ERC1: variants seen among roughly 807,000 people sequenced by gnomAD.
ERC1 encodes the protein ELKS/RAB6-interacting/CAST family member 1.
Under a neutral mutation model 132.0 loss-of-function variants are expected in ERC1, and 56 were observed. The ratio of observed to expected loss-of-function variants is 0.42; its 90% CI spans 0.34 to 0.53. The LOEUF is 0.53. Among genes scored for constraint, ERC1 ranks in the 20% least tolerant of loss-of-function variants. The pLI is 0.03. For missense variants in ERC1, 1,202 were observed against 1,349.9 expected, an observed-to-expected ratio of 0.89 and a Z score of 1.72; for synonymous variants, 478 against 476.1, an observed-to-expected ratio of 1.00 and a Z score of -0.05.
At chr12:1,238,083 AAGC>A (rs1230666338) in intron 13 of ERC1, among the ~76,000 whole-genome samples, 2 of 152,196 alleles carry the variant, frequency 1.3e-5, no homozygotes, top group East Asian at 3.9e-4. Context: ...ATTTTGCAAA[AAGC>A]AGCATGCCCG....
intron 18 of ERC1, among the ~76,000 whole-genome samples, chr12:1,479,218 G>A (rs1234227650): frequency 6.6e-6 from 1 of 152,124 alleles, no homozygotes; most frequent in African/African-American, 2.4e-5. Flanking sequence ...CCAGAGAGGA[G>A]CATTTGTATA....
intron 8 of ERC1, among the ~76,000 whole-genome samples, chr12:1,168,684 G>A (rs555193200): frequency 6.6e-6 from 1 of 151,630 alleles, no homozygotes; most frequent in Admixed American, 6.6e-5. Context: ...ATGGGGTTTT[G>A]CCATGTTGGT....
At chr12:1,001,510 C>G (rs1428324908) in intron 1 of ERC1, among the ~76,000 whole-genome samples, 1 of 152,198 alleles carries the variant, frequency 6.6e-6, no homozygotes, top group African/African-American at 2.4e-5. Context: ...TGAAGCTTCC[C>G]AATCACAACC....
chr12:1,290,517 C>T (rs944447406), intron 15 of ERC1, among the ~76,000 whole-genome samples: 1 of 152,196 alleles, frequency 6.6e-6, no homozygotes, highest in Non-Finnish European at 1.5e-5. Context: ...CTTTGCTATA[C>T]ACATTTTCCT....
chr12:1,460,091 A>G (rs970189968), intron 18 of ERC1, among the ~76,000 whole-genome samples: 1 of 152,254 alleles, frequency 6.6e-6, no homozygotes, highest in Admixed American at 6.5e-5. Context: ...TGTTTTATTC[A>G]GTGAGTTATA....
intron 11 of ERC1, among the ~76,000 whole-genome samples, chr12:1,188,034 GTTATAT>G (rs1019356741): frequency 1.6e-4 from 25 of 152,212 alleles, no homozygotes; most frequent in African/African-American, 3.6e-4. Context: ...ATATGCAGTA[GTTATAT>G]TTATATTTGT....
chr12:1,146,837 T>C (rs989405926), intron 8 of ERC1, among the ~76,000 whole-genome samples: 2 of 145,332 alleles, frequency 1.4e-5, no homozygotes, highest in Non-Finnish European at 1.5e-5. Flanking sequence ...TATGTTCTCA[T>C]TGTTGAATTC....
intron 17 of ERC1, among the ~76,000 whole-genome samples, chr12:1,419,486 A>G (rs2092336000): frequency 6.8e-6 from 1 of 147,314 alleles, no homozygotes; most frequent in Admixed American, 6.9e-5. Context: ...CCTTTATTCT[A>G]TCTAGTAAGC....
chr12:1,276,345 TC>T (rs1409971634), intron 14 of ERC1, among the ~76,000 whole-genome samples: 2 of 151,828 alleles, frequency 1.3e-5, no homozygotes, highest in Non-Finnish European at 2.9e-5. Flanking sequence ...CAAGCAATTA[TC>T]CCTGCCTCAG....
intron 16 of ERC1, among the ~76,000 whole-genome samples, chr12:1,407,871 G>T (rs1235984251): frequency 6.6e-6 from 1 of 151,932 alleles, no homozygotes; most frequent in African/African-American, 2.4e-5. Context: ...CCACCCTTAT[G>T]ACTTCATTTA....
chr12:1,377,163 T>TG (rs1338549038), intron 16 of ERC1, among the ~76,000 whole-genome samples: 1 of 152,194 alleles, frequency 6.6e-6, no homozygotes, highest in Non-Finnish European at 1.5e-5. Flanking sequence ...AGGTGTGGTA[T>TG]GAAAAAATAC....
intron 11 of ERC1, among the ~76,000 whole-genome samples, chr12:1,186,733 A>G (rs1005977845): frequency 1.1e-4 from 16 of 152,242 alleles, no homozygotes; most frequent in Admixed American, 6.5e-4. Context: ...CATCCAGAAA[A>G]TACCTTTCAT....
chr12:1,394,584 T>A (rs964355915), intron 16 of ERC1, among the ~76,000 whole-genome samples: 11 of 152,122 alleles, frequency 7.2e-5, no homozygotes, highest in Admixed American at 2.6e-4. Context: ...GGGGCAGCAT[T>A]CCTCCCTGTT....
chr12:1,481,226 C>T (rs757915539), intron 18 of ERC1, among the ~76,000 whole-genome samples: 2 of 152,092 alleles, frequency 1.3e-5, no homozygotes, highest in Non-Finnish European at 2.9e-5. Flanking sequence ...GACAAGGGGG[C>T]GCCGCCGTAT....
chr12:1,079,189 A>T (rs1385692675), intron 2 of ERC1, among the ~76,000 whole-genome samples: 1 of 149,134 alleles, frequency 6.7e-6, no homozygotes, highest in African/African-American at 2.4e-5. Context: ...TTGTAATATG[A>T]CAAAAGTCGA....
At chr12:1,275,378 C>T (rs2078192907) in intron 14 of ERC1, among the ~76,000 whole-genome samples, 1 of 152,190 alleles carries the variant, frequency 6.6e-6, no homozygotes, top group Admixed American at 6.5e-5. Flanking sequence ...GTCCCAGCTA[C>T]TCAGGAGGCT....
chr12:1,073,285 G>A (rs1940746359), intron 2 of ERC1, among the ~76,000 whole-genome samples: 1 of 151,068 alleles, frequency 6.6e-6, no homozygotes, highest in Non-Finnish European at 1.5e-5. Context: ...TAGCGACAGA[G>A]CAAGACTCCT....
intron 16 of ERC1, among the ~76,000 whole-genome samples, chr12:1,387,411 A>G (rs534989881): frequency 6.6e-6 from 1 of 152,290 alleles, no homozygotes; most frequent in African/African-American, 2.4e-5. Flanking sequence ...CCCCAAACTT[A>G]TAGCCCCCAA....
chr12:1,182,612 G>A (rs1385698268), intron 10 of ERC1, among the ~76,000 whole-genome samples: 2 of 151,956 alleles, frequency 1.3e-5, no homozygotes, highest in African/African-American at 4.8e-5. Context: ...CAATGTTATG[G>A]AAGTTTAAAT....
Sources: allele counts gnomAD v4.1 joint callset (sites outside exome capture counted in the v4.1 genomes callset), GRCh38; gene constraint gnomAD v4.1.1; transcripts MANE v1.5; gene names NCBI Gene and HGNC (gene_info 2026-07-23, HGNC 2026-07-21).